The following RBFOX1 variants were observed in gnomAD, a reference collection of about 807,000 sequenced individuals.
RBFOX1 encodes the protein RNA binding fox-1 homolog 1.
A neutral mutation model predicts 57.7 loss-of-function variants in RBFOX1; 8 were observed. The ratio of observed to expected loss-of-function variants is 0.14; its 90% CI spans 0.08 to 0.25. The LOEUF is 0.25. Ranked by LOEUF, RBFOX1 falls within the 10% of genes least tolerant of loss-of-function variation. The pLI, the probability that RBFOX1 is intolerant of heterozygous loss-of-function variation, is 1.00. For synonymous variants in RBFOX1, 326 were observed against 222.4 expected (o/e 1.47, Z -4.15); for missense variants, 611 against 548.5 (o/e 1.11, Z -1.14).
At chr16:7,315,170 A>G (rs1388481263) in intron 4 of RBFOX1, among the ~76,000 whole-genome samples, 1 of 151,486 alleles carries the variant, frequency 6.6e-6, no homozygotes, top group East Asian at 1.9e-4. Flanking sequence ...GTGTGGTGAT[A>G]TTTCTTTCCC....
chr16:6,240,817 C>A (rs1277040632), intron 1 of RBFOX1, among the ~76,000 whole-genome samples: 1 of 152,130 alleles, frequency 6.6e-6, no homozygotes, highest in African/African-American at 2.4e-5. Context: ...CTTGATTCAC[C>A]TGATATTTTC....
At chr16:5,547,996 C>T (rs1487297789) in intron 2 of RBFOX1, among the ~76,000 whole-genome samples, 1 of 151,172 alleles carries the variant, frequency 6.6e-6, no homozygotes, top group Non-Finnish European at 1.5e-5. Flanking sequence ...CCTGTCTCTA[C>T]TAAAAATAAA....
At chr16:7,228,520 C>G (rs937076129) in intron 4 of RBFOX1, among the ~76,000 whole-genome samples, 2 of 152,078 alleles carry the variant, frequency 1.3e-5, no homozygotes, top group African/African-American at 4.8e-5. Context: ...TGGTTAATAG[C>G]AATGAAATTT....
At chr16:7,697,768 G>C (rs186639079) in intron 14 of RBFOX1, among the ~76,000 whole-genome samples, 13 of 152,250 alleles carry the variant, frequency 8.5e-5, no homozygotes, top group Non-Finnish European at 1.5e-4. Context: ...TCTCACTCCA[G>C]ATGGAATTCT....
intron 1 of RBFOX1, among the ~76,000 whole-genome samples, chr16:6,053,979 C>T (rs1449184805): frequency 6.6e-6 from 1 of 151,948 alleles, no homozygotes; most frequent in Non-Finnish European, 1.5e-5. Flanking sequence ...TCGCTTGAGC[C>T]CAGGAGGTTG....
At chr16:6,816,720 A>G (rs2090150653) in intron 3 of RBFOX1, among the ~76,000 whole-genome samples, 1 of 138,464 alleles carries the variant, frequency 7.2e-6, no homozygotes, top group African/African-American at 2.6e-5. Context: ...AGCCTGGGTG[A>G]CAGAGCAAGA....
chr16:7,548,121 A>C (rs2085142096), intron 5 of RBFOX1, among the ~76,000 whole-genome samples: 1 of 152,184 alleles, frequency 6.6e-6, no homozygotes, highest in Non-Finnish European at 1.5e-5. Context: ...CAATATTTTG[A>C]AACAAACCGA....
At chr16:6,643,043 TCTCTGCCA>T (rs1445171890) in intron 2 of RBFOX1, among the ~76,000 whole-genome samples, 2 of 152,206 alleles carry the variant, frequency 1.3e-5, no homozygotes, top group Non-Finnish European at 2.9e-5. Flanking sequence ...CCCTGAAGCA[TCTCTGCCA>T]CGCTGAACCT....
chr16:7,670,052 G>C (rs915043691), intron 13 of RBFOX1, among the ~76,000 whole-genome samples: 2 of 152,148 alleles, frequency 1.3e-5, no homozygotes, highest in Admixed American at 1.3e-4. Context: ...TTTTTTGGGA[G>C]ACATAGCCTC....
At chr16:7,055,078 A>G (rs1213305865) in intron 4 of RBFOX1, among the ~76,000 whole-genome samples, 1 of 152,206 alleles carries the variant, frequency 6.6e-6, no homozygotes, top group East Asian at 1.9e-4. Flanking sequence ...GAAGATATTA[A>G]GGAGTCTTTA....
At chr16:6,838,909 C>A (rs1049545662) in intron 3 of RBFOX1, among the ~76,000 whole-genome samples, 5 of 151,936 alleles carry the variant, frequency 3.3e-5, no homozygotes, top group Admixed American at 2.0e-4. Context: ...TTATTAAATA[C>A]CATTCAAGAC....
chr16:6,865,295 G>A (rs2059732509), intron 3 of RBFOX1, among the ~76,000 whole-genome samples: 1 of 152,006 alleles, frequency 6.6e-6, no homozygotes, highest in African/African-American at 2.4e-5. Context: ...GAGCCACCGT[G>A]CCCGACCTGG....
chr16:6,838,831 G>T (rs1040553726), intron 3 of RBFOX1, among the ~76,000 whole-genome samples: 1 of 151,896 alleles, frequency 6.6e-6, no homozygotes, highest in Non-Finnish European at 1.5e-5. Flanking sequence ...GCTTTCTCAG[G>T]TGCTTCCCCG....
chr16:6,959,480 A>C (rs2082507982), intron 3 of RBFOX1, among the ~76,000 whole-genome samples: 1 of 152,056 alleles, frequency 6.6e-6, no homozygotes, highest in Non-Finnish European at 1.5e-5. Context: ...GCCTGATCTC[A>C]AGGGAGTATC....
chr16:6,613,370 A>G (rs959629157), intron 2 of RBFOX1, among the ~76,000 whole-genome samples: 3 of 152,016 alleles, frequency 2.0e-5, no homozygotes, highest in Non-Finnish European at 4.4e-5. Flanking sequence ...CACACAGAAA[A>G]TCCATATGAG....
chr16:7,230,272 G>A (rs1453598879), intron 4 of RBFOX1, among the ~76,000 whole-genome samples: 1 of 152,054 alleles, frequency 6.6e-6, no homozygotes, highest in East Asian at 1.9e-4. Flanking sequence ...TAAACAAACA[G>A]AAAGTACCTG....
chr16:7,460,559 C>G (rs1419893117), intron 4 of RBFOX1, among the ~76,000 whole-genome samples: 1 of 146,980 alleles, frequency 6.8e-6, no homozygotes, highest in Non-Finnish European at 1.5e-5. Context: ...ACAGTGGGGT[C>G]TACCAGAGGG....
intron 4 of RBFOX1, among the ~76,000 whole-genome samples, chr16:7,123,340 G>A (rs1016912675): frequency 1.3e-5 from 2 of 152,028 alleles, no homozygotes; most frequent in African/African-American, 4.8e-5. Flanking sequence ...AAATGAAAAA[G>A]TGTAGAATTA....
At chr16:6,957,457 C>T (rs1009365507) in intron 3 of RBFOX1, among the ~76,000 whole-genome samples, 1 of 152,120 alleles carries the variant, frequency 6.6e-6, no homozygotes, top group African/African-American at 2.4e-5. Flanking sequence ...CATGCCTCCG[C>T]TTGTTAGACC....
Sources: gnomAD v4.1 joint callset for allele counts (sites outside exome capture counted in the v4.1 genomes callset) on GRCh38, gnomAD v4.1.1 for gene constraint, MANE v1.5 for transcripts, NCBI Gene and HGNC (gene_info 2026-07-23, HGNC 2026-07-21) for gene names.